The following USP49 variants were observed in gnomAD, a reference collection of about 807,000 sequenced individuals.
USP49 encodes ubiquitin carboxyl-terminal hydrolase 49.
Under a neutral mutation model 58.6 loss-of-function variants are expected in USP49, and 24 were observed. The ratio of observed to expected loss-of-function variants is 0.41; its 90% CI spans 0.30 to 0.58. The LOEUF (loss-of-function observed/expected upper bound fraction) is 0.58. Ranked by LOEUF, USP49 falls within the 20% of genes least tolerant of loss-of-function variation. The pLI is 0.30. For synonymous variants in USP49, 408 were observed against 365.1 expected, an observed-to-expected ratio of 1.12 and a Z score of -1.34; for missense variants, 703 against 866.1, an observed-to-expected ratio of 0.81 and a Z score of 2.36.
At chr6:41,888,946 T>C (rs1329848648) in intron 2 of USP49, among the ~76,000 whole-genome samples, 1 of 152,206 alleles carries the variant, frequency 6.6e-6, no homozygotes, top group Admixed American at 6.5e-5. Flanking sequence ...TTAGGTTTAT[T>C]TGGGGGGAAG....
chr6:41,894,280 AT>A (rs1426692145), intron 1 of USP49: 3 of 152,388 alleles, frequency 2.0e-5, no homozygotes, highest in African/African-American at 7.2e-5. Flanking sequence ...CTTGTCCCAG[AT>A]GGCCATCACT....
intron 3 of USP49, among the ~76,000 whole-genome samples, chr6:41,826,169 G>C (rs189913957): frequency 3.9e-5 from 6 of 152,294 alleles, no homozygotes; most frequent in Admixed American, 3.9e-4. Context: ...GGAGGCTGAG[G>C]TGGGAAGATC....
chr6:41,895,041 G>C (rs1210659629), intron 1 of USP49, among the ~76,000 whole-genome samples: 2 of 144,946 alleles, frequency 1.4e-5, no homozygotes, highest in Admixed American at 6.8e-5. Context: ...CCCCGCCCCG[G>C]GCGCCCCCAG....
chr6:41,852,212 C>T (rs1183485374), intron 3 of USP49, among the ~76,000 whole-genome samples: 1 of 151,866 alleles, frequency 6.6e-6, no homozygotes, highest in Non-Finnish European at 1.5e-5. Context: ...GTAATCCAAG[C>T]TACTTGGGAG....
intron 1 of USP49, among the ~76,000 whole-genome samples, chr6:41,892,461 A>G (rs1032737105): frequency 1.3e-5 from 2 of 152,230 alleles, no homozygotes; most frequent in Admixed American, 6.5e-5. Flanking sequence ...TTTAAAATGT[A>G]GTGGCAAAAA....
chr6:41,814,628 AAAAC>A (rs1251705206), intron 3 of USP49, among the ~76,000 whole-genome samples: 2 of 150,374 alleles, frequency 1.3e-5, no homozygotes, highest in African/African-American at 4.9e-5. Flanking sequence ...GGAATCAAGA[AAAAC>A]AAAATAGGGG....
intron 3 of USP49, among the ~76,000 whole-genome samples, chr6:41,845,383 G>A (rs993051436): frequency 4.6e-5 from 7 of 152,120 alleles, no homozygotes; most frequent in South Asian, 4.2e-4. Flanking sequence ...AAAATTAGCC[G>A]GGTATGGTGG....
At chr6:41,854,640 AT>A (rs1351333332) in intron 3 of USP49, among the ~76,000 whole-genome samples, 6 of 152,154 alleles carry the variant, frequency 3.9e-5, no homozygotes, top group Admixed American at 6.5e-5. Flanking sequence ...ATGATAGCAG[AT>A]GTTAGTTTAG....
At position 41,803,505 on chromosome 6, in the gene USP49, TG is replaced by T. The variant is rs1396199101; in HGVS notation, c.1561+300del. 2.6e-5 allele frequency among the ~76,000 whole-genome samples: 4 copies of T among 152,196 alleles called. No individual in the cohort carries two copies. Among genetic ancestry groups the T allele is most frequent in the South Asian group, 2.1e-4 (1 of 4,828 alleles). On this transcript the variant is annotated intron_variant, in intron 5 of 7. Transcript: ENST00000682992. The surrounding 1 kb of genome is among the most constrained non-coding windows in gnomAD (Gnocchi z 4.1). ...TTTTAGTAGAGACAGGGTTTCACCA[TG>T]TTGGTCAGGCTGGTCTCAAACTCCT...
At chr6:41,847,481 C>G (rs764808262) in intron 3 of USP49, among the ~76,000 whole-genome samples, 3 of 151,976 alleles carry the variant, frequency 2.0e-5, no homozygotes, top group Non-Finnish European at 4.4e-5. Context: ...TTTAGGAGGC[C>G]GAGGCAGGTG....
At position 41,811,447 on chromosome 6, in the gene USP49, G is replaced by A. The variant is rs1462777897; in HGVS notation, c.-28-4436C>T. Reference sequence around the variant, plus strand: ...CCTCATTTAAAAACTAAACTTTATAGGTATGTATGTACAGGAAAAAAACAT... The same window carrying A: ...CCTCATTTAAAAACTAAACTTTATAAGTATGTATGTACAGGAAAAAAACAT... On this transcript the variant is annotated intron_variant, in intron 3 of 7. Coordinates refer to ENST00000682992, the MANE Select transcript of USP49 (RefSeq NM_001286554.2). 3.3e-5 allele frequency among the ~76,000 whole-genome samples: 5 copies of A among 152,132 alleles called. No homozygotes were observed. In the East Asian group the frequency reaches 7.7e-4, roughly 23 times the overall value.
intron 3 of USP49, among the ~76,000 whole-genome samples, chr6:41,813,446 A>G (rs1773293124): frequency 6.6e-6 from 1 of 152,056 alleles, no homozygotes; most frequent in Admixed American, 6.6e-5. Flanking sequence ...CGCAAAATCA[A>G]CTCCTCTGCT....
rs573593165 is a variant in USP49 at position 41,793,269 on chromosome 6, G to GTTT, written c.*3261_*3263dup. On this transcript the variant is annotated 3_prime_UTR_variant, in exon 8 of 8. Coordinates refer to ENST00000682992, the MANE Select transcript of USP49 (RefSeq NM_001286554.2). ...TTTTTTTTTTTTTGTTTTTGTTTTT[G>GTTT]TTTTTTTTTTAAGACAGAGTCTCGC... The GTTT allele has an allele frequency of 1.4e-5, 2 of 147,566 alleles. No homozygotes were observed. Among genetic ancestry groups the GTTT allele is most frequent in the Non-Finnish European group, 3.0e-5 (2 of 67,618 alleles). 9.1% of individuals were successfully genotyped at this position (147,566 alleles called of 1,614,324 possible). A position where few individuals can be genotyped will look rare whatever the true frequency, so the allele number is the denominator to read the frequency against.
At chr6:41,824,139 C>A (rs1423607286) in intron 3 of USP49, among the ~76,000 whole-genome samples, 2 of 152,108 alleles carry the variant, frequency 1.3e-5, no homozygotes, top group Non-Finnish European at 2.9e-5. Context: ...TTTGCCTCCA[C>A]AGAGCCTAAA....
Position 41,806,279 on chromosome 6 carries a change from C to A in USP49, c.705G>T (p.Val235=). 1.2e-6 allele frequency: 2 copies of A among 1,602,978 alleles called. No individual in the cohort carries two copies. The highest frequency in any genetic ancestry group is 8.5e-7 in the Non-Finnish European group (1 of 1,179,072). Residue 235 remains valine (V), a synonymous_variant, in exon 4 of 8, where the codon GTG becomes GTT. Coordinates refer to ENST00000682992, the MANE Select transcript of USP49 (RefSeq NM_001286554.2). This position sits in a 1 kb window ranked among gnomAD's most constrained non-coding sequence, Gnocchi z 5.9. ...RPAALPTSRR[V]PAATLKLRRQ... The stretch of plus-strand genomic sequence containing the variant: ...GACGCAGCTTGAGTGTGGCGGCGGG[C>A]ACTCTGCGTGAGGTAGGGAGGGCGG...
intron 2 of USP49, among the ~76,000 whole-genome samples, chr6:41,886,214 A>G (rs531273799): frequency 1.3e-5 from 2 of 152,332 alleles, no homozygotes; most frequent in East Asian, 3.9e-4. Context: ...ATTAGAACAT[A>G]AAAAAGGAGA....
At chr6:41,867,504 G>A (rs1457636099) in intron 3 of USP49, among the ~76,000 whole-genome samples, 2 of 151,736 alleles carry the variant, frequency 1.3e-5, no homozygotes, top group East Asian at 1.9e-4. Context: ...AGCACTCTGG[G>A]AGGCTGAGGC....
intron 3 of USP49, among the ~76,000 whole-genome samples, chr6:41,809,617 G>C (rs947706482): frequency 2.0e-5 from 3 of 150,560 alleles, no homozygotes; most frequent in African/African-American, 7.3e-5. Context: ...ACAAGGTCAG[G>C]AGATCGAGAC....
intron 2 of USP49, among the ~76,000 whole-genome samples, chr6:41,884,077 G>A (rs1774665180): frequency 6.6e-6 from 1 of 151,962 alleles, no homozygotes; most frequent in Admixed American, 6.6e-5. Flanking sequence ...AGACTGGAGT[G>A]CAGTGGCACA....
Sources: gnomAD v4.1 joint callset for allele counts (sites outside exome capture counted in the v4.1 genomes callset) on GRCh38, gnomAD v4.1.1 for gene constraint, Gnocchi (gnomAD v3.1) non-coding constraint, MANE v1.5 for transcripts, NCBI Gene and HGNC (gene_info 2026-07-23, HGNC 2026-07-21) for gene names.